MCC: variants seen among roughly 807,000 people sequenced by gnomAD.
MCC encodes the protein colorectal mutant cancer protein.
Under a neutral mutation model 116.2 loss-of-function variants are expected in MCC, and 90 were observed. That is an observed-to-expected ratio of 0.77 (90% CI 0.65 to 0.92). The LOEUF is 0.92. MCC is among the 40% of genes least tolerant of loss of function. The pLI is 0.00. For synonymous variants in MCC, 578 were observed against 510.5 expected (o/e 1.13, Z -1.78); for missense variants, 1,516 against 1,312.2 (o/e 1.16, Z -2.40).
intron 1 of MCC, among the ~76,000 whole-genome samples, chr5:113,399,175 G>A (rs1481165459): frequency 6.6e-6 from 1 of 152,116 alleles, no homozygotes; most frequent in Non-Finnish European, 1.5e-5. Flanking sequence ...ATCAGTTAAG[G>A]AAGGAGATTA....
chr5:113,275,689 A>G (rs1318756716), intron 3 of MCC, among the ~76,000 whole-genome samples: 2 of 152,346 alleles, frequency 1.3e-5, no homozygotes, highest in South Asian at 2.1e-4. Flanking sequence ...AGACAGTATA[A>G]CAACTATTTA....
intron 3 of MCC, among the ~76,000 whole-genome samples, chr5:113,164,221 T>A (rs892502907): frequency 1.3e-5 from 2 of 152,200 alleles, no homozygotes; most frequent in African/African-American, 4.8e-5. Context: ...GTGGTCACTA[T>A]GTCTATGTGC....
intron 2 of MCC, among the ~76,000 whole-genome samples, chr5:113,384,152 C>T (rs1253287840): frequency 1.3e-5 from 2 of 152,138 alleles, no homozygotes; most frequent in African/African-American, 4.8e-5. Flanking sequence ...CAAGAAACCC[C>T]ATGTTCCCAT....
At chr5:113,277,069 A>C (rs1277350168) in intron 3 of MCC, among the ~76,000 whole-genome samples, 1 of 152,014 alleles carries the variant, frequency 6.6e-6, no homozygotes, top group African/African-American at 2.4e-5. Context: ...CCGGCCAGGC[A>C]TGGTGGCTCA....
At chr5:113,335,019 A>G (rs955347767) in intron 3 of MCC, among the ~76,000 whole-genome samples, 1 of 151,768 alleles carries the variant, frequency 6.6e-6, no homozygotes, top group Admixed American at 6.6e-5. Context: ...AGCATGCTCT[A>G]TGCTGAAGAA....
intron 4 of MCC, among the ~76,000 whole-genome samples, chr5:113,145,727 T>C (rs1315914076): frequency 6.8e-6 from 1 of 147,706 alleles, no homozygotes; most frequent in Non-Finnish European, 1.5e-5. Context: ...GTTTCTCTAA[T>C]AAACTTGCTT....
At chr5:113,262,746 C>T (rs1267078966) in intron 3 of MCC, among the ~76,000 whole-genome samples, 1 of 151,952 alleles carries the variant, frequency 6.6e-6, no homozygotes, top group Non-Finnish European at 1.5e-5. Flanking sequence ...ATCTGGAGGG[C>T]CTATTAAAGG....
chr5:113,153,913 T>G (rs1760027466), intron 3 of MCC, among the ~76,000 whole-genome samples: 1 of 152,260 alleles, frequency 6.6e-6, no homozygotes, highest in African/African-American at 2.4e-5. Flanking sequence ...CACAGTCAGC[T>G]GAGCACCAGG....
chr5:113,245,372 T>A (rs147336425), intron 3 of MCC, among the ~76,000 whole-genome samples: 1 of 151,976 alleles, frequency 6.6e-6, no homozygotes, highest in Non-Finnish European at 1.5e-5. Context: ...AAATATCTTA[T>A]GTCCTCTCTC....
At chr5:113,113,423 C>A (rs1757212862) in intron 6 of MCC, among the ~76,000 whole-genome samples, 1 of 152,008 alleles carries the variant, frequency 6.6e-6, no homozygotes, top group Non-Finnish European at 1.5e-5. Flanking sequence ...GGGTTGAACA[C>A]CAAAGAGAAG....
intron 6 of MCC, among the ~76,000 whole-genome samples, chr5:113,106,341 T>A (rs1450272069): frequency 1.2e-5 from 1 of 84,668 alleles, no homozygotes; most frequent in Admixed American, 1.2e-4. Flanking sequence ...CTTCCCCTCA[T>A]TCACTATGCC....
At chr5:113,096,142 A>G (rs1186476839) in intron 8 of MCC, among the ~76,000 whole-genome samples, 2 of 152,194 alleles carry the variant, frequency 1.3e-5, no homozygotes, top group Non-Finnish European at 2.9e-5. Context: ...TCACTGCTAC[A>G]TGGTGGGCCC....
At chr5:113,332,346 A>C (rs970009582) in intron 3 of MCC, among the ~76,000 whole-genome samples, 1 of 151,396 alleles carries the variant, frequency 6.6e-6, no homozygotes, top group African/African-American at 2.5e-5. Context: ...CCCTGGCTAT[A>C]AATAAGTATT....
intron 9 of MCC, among the ~76,000 whole-genome samples, chr5:113,084,506 G>A (rs2150244127): frequency 6.6e-6 from 1 of 152,330 alleles, no homozygotes; most frequent in Admixed American, 6.5e-5. Context: ...AATGTCTCTA[G>A]ACATTGCCAA....
At chr5:113,108,331 TAAAAA>T (rs56780207) in intron 6 of MCC, among the ~76,000 whole-genome samples, 3,931 of 42,778 alleles carry the variant, frequency 0.092, 159 homozygotes, top group Admixed American at 0.21. Flanking sequence ...CACTCTATCT[TAAAAA>T]AAAAAAAAAA....
intron 4 of MCC, among the ~76,000 whole-genome samples, chr5:113,143,939 T>C (rs1170087535): frequency 1.3e-5 from 2 of 152,222 alleles, no homozygotes; most frequent in African/African-American, 4.8e-5. Context: ...CCACTTCTTA[T>C]CTGGATGGAT....
intron 5 of MCC, among the ~76,000 whole-genome samples, chr5:113,137,864 A>G (rs1349585473): frequency 6.6e-6 from 1 of 152,100 alleles, no homozygotes; most frequent in African/African-American, 2.4e-5. Flanking sequence ...AGATGGTGCC[A>G]TCACTAGGTC....
chr5:113,379,677 A>C (rs6594713), intron 2 of MCC, among the ~76,000 whole-genome samples: 26,208 of 152,200 alleles, frequency 0.17, 2,470 homozygotes, highest in Non-Finnish European at 0.22. Flanking sequence ...GCTGATGTCT[A>C]AAACACATAA....
chr5:113,153,025 A>G (rs1759971554), intron 3 of MCC, among the ~76,000 whole-genome samples: 1 of 152,104 alleles, frequency 6.6e-6, no homozygotes, highest in Admixed American at 6.5e-5. Context: ...TGGAAGGGGA[A>G]CGAATTCACT....
Sources: allele counts gnomAD v4.1 joint callset (sites outside exome capture counted in the v4.1 genomes callset), GRCh38; gene constraint gnomAD v4.1.1; transcripts MANE v1.5; gene names NCBI Gene and HGNC (gene_info 2026-07-23, HGNC 2026-07-21).